The following TRIM5 variants were observed in gnomAD, a reference collection of about 807,000 sequenced individuals.
The protein encoded by TRIM5 is tripartite motif containing 5, also known as tripartite motif-containing protein 5.
In TRIM5, 31 loss-of-function variants were observed where a neutral mutation model predicts 35.6. The observed-to-expected ratio is 0.87, with a 90% confidence interval of 0.65 to 1.18. The LOEUF is 1.18. Ranked by LOEUF, TRIM5 falls within the 50% of genes most tolerant of loss-of-function variation. The probability of loss-of-function intolerance (pLI) is 0.00; values close to 1 mark genes in which losing one functional copy is unlikely to be tolerated. For missense variants in TRIM5, 609 were observed against 591.6 expected (o/e 1.03, Z -0.31); for synonymous variants, 243 against 215.6 (o/e 1.13, Z -1.11).
At chr11:5,603,285 G>T in the TRIM5 span, 2 of 1,614,028 alleles carry the variant, frequency 1.2e-6, no homozygotes, top group Non-Finnish European at 1.7e-6. Context: ...TCAGGGTTGG[G>T]CAGGCAGGAG....
At chr11:5,638,307 T>C in the TRIM5 span, among the ~76,000 whole-genome samples, 1 of 152,224 alleles carries the variant, frequency 6.6e-6, no homozygotes, top group African/African-American at 2.4e-5. Context: ...TGAGAATTAA[T>C]AGGCACAGAG....
At chr11:5,674,875 T>A (rs1160916034) in intron 4 of TRIM5, among the ~76,000 whole-genome samples, 1 of 152,114 alleles carries the variant, frequency 6.6e-6, no homozygotes, top group East Asian at 1.9e-4. Flanking sequence ...GGAAGAGGGG[T>A]TTCCAGGAGC....
the TRIM5 span, among the ~76,000 whole-genome samples, chr11:5,594,886 TA>T: frequency 7.2e-5 from 11 of 152,116 alleles, no homozygotes; most frequent in Non-Finnish European, 1.6e-4. Context: ...TTTCAGAGCA[TA>T]AGCAGGCTTT....
downstream of TRIM5, among the ~76,000 whole-genome samples, chr11:5,661,193 T>C (rs889949447): frequency 6.6e-6 from 1 of 151,472 alleles, no homozygotes. Flanking sequence ...TTGTGACAAG[T>C]ATAGCATCAA....
chr11:5,666,364 A>G (rs965139852), intron 5 of TRIM5: 3 of 412,620 alleles, frequency 7.3e-6, no homozygotes, highest in Non-Finnish European at 1.3e-5. Flanking sequence ...CTACATTCTT[A>G]AACTCATAGG....
At chr11:5,616,607 G>T in the TRIM5 span, among the ~76,000 whole-genome samples, 7 of 145,202 alleles carry the variant, frequency 4.8e-5, no homozygotes, top group African/African-American at 1.8e-4. Context: ...TCTGTGCAAG[G>T]TTTATTTCAA....
chr11:5,604,027 G>A, the TRIM5 span, among the ~76,000 whole-genome samples: 4 of 152,006 alleles, frequency 2.6e-5, no homozygotes, highest in East Asian at 1.9e-4. Flanking sequence ...AAGGCGTCTC[G>A]CTCTGTCGCC....
chr11:5,657,598 TAATA>T, the TRIM5 span, among the ~76,000 whole-genome samples: 2 of 97,052 alleles, frequency 2.1e-5, no homozygotes, highest in African/African-American at 4.7e-5. Flanking sequence ...GCATTATATA[TAATA>T]TATATTTATA....
At chr11:5,625,737 A>T in the TRIM5 span, among the ~76,000 whole-genome samples, 2 of 152,140 alleles carry the variant, frequency 1.3e-5, no homozygotes, top group Non-Finnish European at 2.9e-5. Context: ...CTCCTTGCAC[A>T]TCCCTGAACA....
At chr11:5,616,037 G>A in the TRIM5 span, among the ~76,000 whole-genome samples, 2 of 146,940 alleles carry the variant, frequency 1.4e-5, no homozygotes, top group Admixed American at 1.4e-4. Flanking sequence ...TGCAAGCTCC[G>A]CCTCCCGGGT....
chr11:5,681,269 T>C (rs2343226), intron 1 of TRIM5, among the ~76,000 whole-genome samples: 17,930 of 152,142 alleles, frequency 0.12, 1,262 homozygotes, highest in East Asian at 0.29. Flanking sequence ...TGCGGCCCAA[T>C]AACGAGATGC....
the TRIM5 span, chr11:5,643,687 C>T: frequency 6.3e-6 from 10 of 1,598,356 alleles, 2 homozygotes; most frequent in Middle Eastern, 3.4e-4. Flanking sequence ...GCTCCCATGA[C>T]TCTATGCCCA....
chr11:5,630,563 T>C, the TRIM5 span, among the ~76,000 whole-genome samples: 1 of 152,242 alleles, frequency 6.6e-6, no homozygotes, highest in African/African-American at 2.4e-5. Flanking sequence ...TGATGCTATG[T>C]CCTCCATGAA....
At chr11:5,619,729 G>C in the TRIM5 span, 1 of 97,554 alleles carries the variant, frequency 1.0e-5, no homozygotes, top group Non-Finnish European at 1.8e-5. Context: ...TTTTGAGACT[G>C]AGCCTCACTC....
chr11:5,589,265 C>G, the TRIM5 span: 3 of 151,524 alleles, frequency 2.0e-5, no homozygotes, highest in African/African-American at 4.9e-5. Flanking sequence ...TAAAAAAATG[C>G]TTACTCATCT....
At chr11:5,665,733 T>G (rs767727959) in intron 6 of TRIM5, 51 bp from the exon 7 acceptor site, 110 of 1,472,112 alleles carry the variant, frequency 7.5e-5, no homozygotes, top group Non-Finnish European at 9.4e-5. Flanking sequence ...GAGTCAGCAC[T>G]GAAATTCATT....
At chr11:5,613,587 T>A in the TRIM5 span, among the ~76,000 whole-genome samples, 2 of 152,170 alleles carry the variant, frequency 1.3e-5, no homozygotes, top group African/African-American at 4.8e-5. Context: ...TGGTGGAAGT[T>A]CAGGAAAGAG....
the TRIM5 span, chr11:5,603,270 A>G: frequency 6.2e-7 from 1 of 1,613,882 alleles, no homozygotes; most frequent in South Asian, 1.1e-5. Flanking sequence ...GAAACATCTT[A>G]GAAATCAGGG....
At chr11:5,630,554 G>A in the TRIM5 span, among the ~76,000 whole-genome samples, 1 of 152,192 alleles carries the variant, frequency 6.6e-6, no homozygotes, top group African/African-American at 2.4e-5. Flanking sequence ...AACATGTTAT[G>A]ATGCTATGTC....
Sources: allele counts gnomAD v4.1 joint callset (sites outside exome capture counted in the v4.1 genomes callset), GRCh38; gene constraint gnomAD v4.1.1; transcripts MANE v1.5; gene names NCBI Gene and HGNC (gene_info 2026-07-23, HGNC 2026-07-21).